The following OGFOD3 variants were observed in gnomAD, a reference collection of about 807,000 sequenced individuals.
OGFOD3 encodes the protein 2-oxoglutarate and iron-dependent oxygenase domain-containing protein 3.
Under a neutral mutation model 39.8 loss-of-function variants are expected in OGFOD3, and 35 were observed. The ratio of observed to expected loss-of-function variants is 0.88; its 90% CI spans 0.67 to 1.17. OGFOD3 has a LOEUF of 1.17. Ranked by LOEUF, OGFOD3 falls within the 50% of genes most tolerant of loss-of-function variation. The pLI is 0.00. For synonymous variants in OGFOD3, 200 were observed against 192.0 expected, an observed-to-expected ratio of 1.04 and a Z score of -0.34; for missense variants, 438 against 454.5, an observed-to-expected ratio of 0.96 and a Z score of 0.33.
Position 82,411,458 on chromosome 17 carries a change from C to A in OGFOD3, c.377G>T (p.Arg126Leu). 1 of 1,613,930 alleles carries A rather than the reference C, an allele frequency of 6.2e-7. No homozygotes were observed. The highest frequency in any genetic ancestry group is 8.5e-7 in the Non-Finnish European group (1 of 1,179,820). ...VITREEAERI[R>L]SVAEKGLSLG... ...GTGCTCAGGGACAGGCGGTTACCTG[C>A]GAATCCGCTCCGCTTCCTCCCTGGT... The change falls in exon 3 of 9, where the codon CGC becomes CTC. Residue 126 changes from arginine (R) to leucine (L), a missense_variant. Transcript: ENST00000313056.
At chr17:82,395,544 G>C (rs987238340) in intron 8 of OGFOD3, among the ~76,000 whole-genome samples, 1 of 152,198 alleles carries the variant, frequency 6.6e-6, no homozygotes, top group Non-Finnish European at 1.5e-5. Flanking sequence ...CGACACGGCC[G>C]GGCGTGGTGG....
rs2052645323 is a variant in OGFOD3 at position 82,394,660 on chromosome 17, C to A, written c.824-2126G>T. On this transcript the variant is annotated intron_variant, in intron 8 of 8. Coordinates refer to ENST00000313056, the MANE Select transcript of OGFOD3 (RefSeq NM_024648.3). ...CTTTGCCCCGGCTCCCAGGGGGGACCTCTGAGCCCTCAGAACATCCTGCCT... is the reference window on the plus strand; with the variant it reads ...CTTTGCCCCGGCTCCCAGGGGGGACATCTGAGCCCTCAGAACATCCTGCCT... The A allele has an allele frequency of 4.2e-6, 3 of 710,958 alleles. No homozygotes were observed. The South Asian group carries it at 6.3e-5, about 15-fold the overall frequency. 44.0% of individuals were successfully genotyped at this position (710,958 alleles called of 1,614,324 possible). A position where few individuals can be genotyped will look rare whatever the true frequency, so the allele number is the denominator to read the frequency against.
intron 7 of OGFOD3, among the ~76,000 whole-genome samples, chr17:82,402,852 C>T (rs577998009): frequency 2.6e-4 from 40 of 152,096 alleles, no homozygotes; most frequent in African/African-American, 9.4e-4. Flanking sequence ...CCCAGGAGGT[C>T]AGGCCAGCCT....
rs1057177637 is a variant in OGFOD3, at chr17:82,415,721, C to T, written c.75-94G>A. 3.8e-5 allele frequency: 43 copies of T among 1,130,926 alleles called. No individual in the cohort carries two copies. Among genetic ancestry groups the T allele is most frequent in the Non-Finnish European group, 5.2e-5 (42 of 804,906 alleles). The allele number at this position is 1,130,926 out of a possible 1,614,324, so 70.1% of individuals were successfully genotyped here. Reference sequence around the variant, plus strand: ...CAAAGTGCATGCACCATGACCCGGCCTTCACTCACACGTCACCCCTGAAAC... The same window carrying T: ...CAAAGTGCATGCACCATGACCCGGCTTTCACTCACACGTCACCCCTGAAAC... On this transcript the variant is annotated intron_variant, in intron 1 of 8. Coordinates refer to ENST00000313056, the MANE Select transcript of OGFOD3 (RefSeq NM_024648.3). This position sits in a 1 kb window ranked among gnomAD's most constrained non-coding sequence, Gnocchi z 5.3.
In OGFOD3 at chr17:82,411,510, C is replaced by A; in HGVS notation, c.325G>T (p.Gly109Cys). The change falls in exon 3 of 9, where the codon GGC becomes TGC. Residue 109 changes from glycine to cysteine, a missense_variant. Gly to Cys is a radical substitution (Grantham distance 159). Transcript: ENST00000313056. Reference sequence around the variant, plus strand: ...ATGACGACATCGGTGACACCTCTGCCGCACTTTCGGGGAGTGCAGCCTGTG... The same window carrying A: ...ATGACGACATCGGTGACACCTCTGCAGCACTTTCGGGGAGTGCAGCCTGTG... ...RFEGCTPRKC[G>C]RGVTDVVITR... 6.2e-7 allele frequency: 1 copy of A among 1,614,130 alleles called. No homozygotes were observed. Among genetic ancestry groups the A allele is most frequent in the East Asian group, 2.2e-5 (1 of 44,882 alleles).
intron 2 of OGFOD3, among the ~76,000 whole-genome samples, chr17:82,413,769 G>T (rs1348511182): frequency 6.6e-6 from 1 of 151,718 alleles, no homozygotes; most frequent in East Asian, 1.9e-4. Context: ...TACTCAGGAG[G>T]CTGAGGCAGG....
At chr17:82,393,172 G>C (rs770940977) in intron 8 of OGFOD3, 1 of 152,358 alleles carries the variant, frequency 6.6e-6, no homozygotes, top group South Asian at 2.1e-4. Flanking sequence ...CTACCCCACC[G>C]TAGAGTCCTG....
chr17:82,418,019 G>C (rs1171190350), intron 1 of OGFOD3, among the ~76,000 whole-genome samples: 1 of 152,206 alleles, frequency 6.6e-6, no homozygotes, highest in East Asian at 1.9e-4. Context: ...CAGGTTTCGT[G>C]GTTTAAAAGT....
chr17:82,398,519 C>T (rs1030869677), intron 7 of OGFOD3, among the ~76,000 whole-genome samples, 200 bp from the exon 8 acceptor site: 1 of 152,202 alleles, frequency 6.6e-6, no homozygotes, highest in Non-Finnish European at 1.5e-5. Context: ...CCTGCCTCAG[C>T]CTCCCGAGTA....
rs552129366 is a variant in OGFOD3, at chr17:82,411,436, C to G, written c.380+19G>C. On this transcript the variant is annotated intron_variant, in intron 3 of 8. Transcript: ENST00000313056. ...GTGTGTTTGTTTGAATCCCACCGTG[C>G]TCAGGGACAGGCGGTTACCTGCGAA... 3 of 1,612,242 alleles carry G rather than the reference C, an allele frequency of 1.9e-6. No individual in the cohort carries two copies. In the East Asian group the frequency reaches 6.7e-5, roughly 36 times the overall value.
chr17:82,400,290 C>G (rs1402905882), intron 7 of OGFOD3, among the ~76,000 whole-genome samples: 9 of 151,936 alleles, frequency 5.9e-5, no homozygotes, highest in Non-Finnish European at 1.3e-4. Context: ...CAGATGCCCC[C>G]CGGAGTCCCC....
chr17:82,409,179 C>T (rs761078475), intron 4 of OGFOD3, among the ~76,000 whole-genome samples, 189 bp downstream of exon 4: 10 of 152,212 alleles, frequency 6.6e-5, no homozygotes, highest in African/African-American at 1.7e-4. Context: ...CTCTTCCCAA[C>T]GAGGGGACGC....
At chr17:82,399,543 G>A (rs112305848) in intron 7 of OGFOD3, among the ~76,000 whole-genome samples, 10 of 152,296 alleles carry the variant, frequency 6.6e-5, no homozygotes, top group African/African-American at 2.2e-4. Flanking sequence ...CATTTCCAAT[G>A]TTGTGCAGCC....
intron 5 of OGFOD3, 128 bp from the exon 6 acceptor site, chr17:82,405,508 A>C (rs374030591): frequency 1.3e-6 from 1 of 792,480 alleles, no homozygotes; most frequent in African/African-American, 1.7e-5. Flanking sequence ...CCATTTCCAC[A>C]ATGATAACTG....
chr17:82,399,249 T>C (rs1444309565), intron 7 of OGFOD3, among the ~76,000 whole-genome samples: 1 of 152,252 alleles, frequency 6.6e-6, no homozygotes, highest in Non-Finnish European at 1.5e-5. Context: ...CATGCATTGT[T>C]GCCCAGGATT....
chr17:82,415,302 G>A lies in OGFOD3; in HGVS notation c.304+96C>T, dbSNP rs928721624. 7 of 1,243,414 alleles carry A rather than the reference G, an allele frequency of 5.6e-6. No homozygotes were observed. The Middle Eastern group carries it at 5.9e-4, about 105-fold the overall frequency. 77.0% of individuals were successfully genotyped at this position (1,243,414 alleles called of 1,614,324 possible). Reference sequence around the variant, plus strand: ...GGGAGAGGTTGTCTGCTACCCCCAAGCATACCACATCCAACCCAATTCCCA... The same window carrying A: ...GGGAGAGGTTGTCTGCTACCCCCAAACATACCACATCCAACCCAATTCCCA... On this transcript the variant is annotated intron_variant, in intron 2 of 8. Transcript: ENST00000313056. This position sits in a 1 kb window ranked among gnomAD's most constrained non-coding sequence, Gnocchi z 5.3.
At chr17:82,408,496 C>G (rs1304481127) in intron 4 of OGFOD3, among the ~76,000 whole-genome samples, 2 of 152,190 alleles carry the variant, frequency 1.3e-5, no homozygotes, top group African/African-American at 4.8e-5. Context: ...GCTCCATGAT[C>G]CCTGCGGCTG....
At chr17:82,400,942 C>G (rs1242959960) in intron 7 of OGFOD3, 1 of 152,204 alleles carries the variant, frequency 6.6e-6, no homozygotes, top group Non-Finnish European at 1.5e-5. Flanking sequence ...CCGGGAGCGA[C>G]CGGACCAGGG....
At chr17:82,409,308 T>A in intron 4 of OGFOD3, 60 bp downstream of exon 4, 1 of 1,562,784 alleles carries the variant, frequency 6.4e-7, no homozygotes, top group Non-Finnish European at 8.8e-7. Context: ...CCCCTTCCCA[T>A]CCAAGTGAGA....
Sources: gnomAD v4.1 joint callset for allele counts (sites outside exome capture counted in the v4.1 genomes callset) on GRCh38, gnomAD v4.1.1 for gene constraint, Gnocchi (gnomAD v3.1) non-coding constraint, MANE v1.5 for transcripts, NCBI Gene and HGNC (gene_info 2026-07-23, HGNC 2026-07-21) for gene names.